The following STK32B variants were observed in gnomAD, a reference collection of about 807,000 sequenced individuals.
STK32B encodes serine/threonine-protein kinase 32B.
A neutral mutation model predicts 52.6 loss-of-function variants in STK32B; 43 were observed. The observed-to-expected ratio is 0.82, with a 90% confidence interval of 0.64 to 1.05. The LOEUF (loss-of-function observed/expected upper bound fraction) is 1.05, where lower values mean the gene tolerates loss of function less well. STK32B is among the 50% of genes least tolerant of loss of function. The probability of loss-of-function intolerance (pLI) is 0.00; values close to 1 mark genes in which losing one functional copy is unlikely to be tolerated. For missense variants in STK32B, 621 were observed against 534.6 expected, an observed-to-expected ratio of 1.16 and a Z score of -1.59; for synonymous variants, 238 against 204.3, an observed-to-expected ratio of 1.17 and a Z score of -1.41.
Position 5,314,771 on chromosome 4 carries a change from C to T in STK32B, c.261-16449C>T, listed in dbSNP as rs78658492. ...AGGAGAAAATAGATAGAACCAGTCA[C>T]ATAGCCAACAAAGTAGCAAAACGGG... On this transcript the variant is annotated intron_variant, in intron 3 of 11. Transcript: ENST00000282908. Among the ~76,000 whole-genome samples the T allele has an allele frequency of 6.8e-3, 1,038 of 152,176 alleles. 20 individuals are homozygous for T. Among genetic ancestry groups the T allele is most frequent in the Middle Eastern group, 0.017 (5 of 292 alleles).
At chr4:5,360,997 C>T (rs1358699181) in intron 4 of STK32B, among the ~76,000 whole-genome samples, 1 of 152,208 alleles carries the variant, frequency 6.6e-6, no homozygotes, top group Non-Finnish European at 1.5e-5. Context: ...TACCCAGTCC[C>T]TGGTAACTGC....
At chr4:5,429,635 G>A (rs749436894) in intron 6 of STK32B, among the ~76,000 whole-genome samples, 6 of 151,738 alleles carry the variant, frequency 4.0e-5, no homozygotes, top group Admixed American at 3.9e-4. Context: ...AAAAAACTTT[G>A]CATTTACCTT....
intron 2 of STK32B, among the ~76,000 whole-genome samples, chr4:5,161,846 C>G (rs1383040832): frequency 1.3e-5 from 2 of 152,126 alleles, no homozygotes; most frequent in Non-Finnish European, 2.9e-5. Context: ...TACCCCCACC[C>G]ACCCCAAATC....
At chr4:5,384,395 T>C (rs1251679826) in intron 4 of STK32B, among the ~76,000 whole-genome samples, 1 of 151,120 alleles carries the variant, frequency 6.6e-6, no homozygotes, top group African/African-American at 2.4e-5. Flanking sequence ...ACACCGAGAC[T>C]TGGGGAGTAA....
intron 4 of STK32B, among the ~76,000 whole-genome samples, chr4:5,370,038 C>T (rs945051640): frequency 2.6e-5 from 4 of 151,980 alleles, no homozygotes; most frequent in Admixed American, 2.6e-4. Flanking sequence ...TCACGCCCGG[C>T]TAATTTTTTG....
Position 5,122,815 on chromosome 4 carries a change from T to C in STK32B, c.53-17090T>C, listed in dbSNP as rs574596837. On this transcript the variant is annotated intron_variant, in intron 1 of 11. Transcript: ENST00000282908. ...TTGCTGGACCACTCCCTTGCTGCAC[T>C]CTCCTGCCTGGGTTCCATGATACTC... Among the ~76,000 whole-genome samples, 4 of 152,222 alleles carry C rather than the reference T, an allele frequency of 2.6e-5. No homozygotes were observed. In the South Asian group the frequency reaches 8.3e-4, roughly 32 times the overall value.
intron 1 of STK32B, among the ~76,000 whole-genome samples, chr4:5,134,542 C>T (rs28513888): frequency 0.014 from 2,075 of 152,280 alleles, 52 homozygotes; most frequent in African/African-American, 0.048. Context: ...ATAAATTACC[C>T]AGTCTGTGGC....
In STK32B at chr4:5,141,514, A is replaced by G. The variant is rs78068068; in HGVS notation, c.108+1554A>G. Among the ~76,000 whole-genome samples the G allele has an allele frequency of 3.4e-3, 519 of 152,218 alleles. 11 individuals are homozygous for G. The East Asian group carries it at 0.063, about 19-fold the overall frequency. Reference sequence around the variant, plus strand: ...TTTGGCCATTTCACAGAGTGGGAAGAGAAGGCTTGGGGGTTTCTGGGGGAG... The same window carrying G: ...TTTGGCCATTTCACAGAGTGGGAAGGGAAGGCTTGGGGGTTTCTGGGGGAG... On this transcript the variant is annotated intron_variant, in intron 2 of 11. Transcript: ENST00000282908.
intron 3 of STK32B, among the ~76,000 whole-genome samples, chr4:5,176,414 G>C (rs796826165): frequency 2.0e-4 from 30 of 150,842 alleles, no homozygotes; most frequent in African/African-American, 6.8e-4. Flanking sequence ...CTGTAGACTG[G>C]AGCTGTTCCT....
chr4:5,305,026 C>A, intron 3 of STK32B, among the ~76,000 whole-genome samples: 1 of 151,766 alleles, frequency 6.6e-6, no homozygotes, highest in South Asian at 2.1e-4. Context: ...CCCTGCATCC[C>A]TGTTATGAAA....
intron 3 of STK32B, among the ~76,000 whole-genome samples, chr4:5,303,787 T>G (rs10022771): frequency 0.13 from 19,446 of 152,084 alleles, 2,692 homozygotes; most frequent in African/African-American, 0.35. Context: ...TTCCAATGTT[T>G]TCTTCTAGAA....
At chr4:5,443,492 G>T (rs1209076394) in intron 6 of STK32B, among the ~76,000 whole-genome samples, 1 of 151,936 alleles carries the variant, frequency 6.6e-6, no homozygotes, top group Admixed American at 6.6e-5. Context: ...GGTTATTCTA[G>T]TTATACATTC....
At chr4:5,388,074 G>A (rs1159813263) in intron 4 of STK32B, among the ~76,000 whole-genome samples, 1 of 152,116 alleles carries the variant, frequency 6.6e-6, no homozygotes, top group Non-Finnish European at 1.5e-5. Flanking sequence ...TATGACCATG[G>A]AGAAGTCGCT....
intron 3 of STK32B, among the ~76,000 whole-genome samples, chr4:5,190,142 G>C (rs1721063719): frequency 6.6e-6 from 1 of 152,094 alleles, no homozygotes; most frequent in South Asian, 2.1e-4. Flanking sequence ...AAATGCTTTT[G>C]CTAGCCTGTA....
intron 1 of STK32B, among the ~76,000 whole-genome samples, chr4:5,068,428 C>T (rs902620049): frequency 6.6e-6 from 1 of 152,124 alleles, no homozygotes; most frequent in South Asian, 2.1e-4. Context: ...CCAGTTCAAG[C>T]CAAGTTGCTG....
chr4:5,263,835 C>G (rs866816614), intron 3 of STK32B, among the ~76,000 whole-genome samples: 1 of 152,178 alleles, frequency 6.6e-6, no homozygotes, highest in Non-Finnish European at 1.5e-5. Flanking sequence ...ATCCCTATCA[C>G]TATTATCACT....
chr4:5,038,923 A>T, the STK32B span, among the ~76,000 whole-genome samples: 2 of 150,598 alleles, frequency 1.3e-5, no homozygotes, highest in Non-Finnish European at 1.5e-5. Context: ...AAACTTTTTG[A>T]CTCTTTTGTA....
intron 3 of STK32B, among the ~76,000 whole-genome samples, chr4:5,304,498 T>G (rs1016563789): frequency 6.6e-6 from 1 of 152,020 alleles, no homozygotes; most frequent in Non-Finnish European, 1.5e-5. Context: ...GCTGTTGGTT[T>G]ATAACAGAGC....
intron 3 of STK32B, among the ~76,000 whole-genome samples, chr4:5,220,442 A>G (rs1258267178): frequency 6.6e-6 from 1 of 152,234 alleles, no homozygotes; most frequent in Admixed American, 6.5e-5. Flanking sequence ...GAGTTCAGAT[A>G]AGGCTTCTGG....
Sources: gnomAD v4.1 joint callset for allele counts (sites outside exome capture counted in the v4.1 genomes callset) on GRCh38, gnomAD v4.1.1 for gene constraint, MANE v1.5 for transcripts, NCBI Gene and HGNC (gene_info 2026-07-23, HGNC 2026-07-21) for gene names.